PLD5: variants seen among roughly 807,000 people sequenced by gnomAD.
PLD5 encodes phospholipase D family member 5.
PLD5 carries 36 observed loss-of-function variants against 61.1 expected under a neutral mutation model. That is an observed-to-expected ratio of 0.59 (90% CI 0.45 to 0.78). The LOEUF (loss-of-function observed/expected upper bound fraction) is 0.78, where lower values mean the gene tolerates loss of function less well. Ranked by LOEUF, PLD5 falls within the 30% of genes least tolerant of loss-of-function variation. The pLI is 0.00. For synonymous variants in PLD5, 243 were observed against 242.8 expected, an observed-to-expected ratio of 1.00 and a Z score of -0.01; for missense variants, 515 against 644.4, an observed-to-expected ratio of 0.80 and a Z score of 2.17.
At chr1:242,275,507 T>C (rs916610362) in intron 3 of PLD5, among the ~76,000 whole-genome samples, 1 of 152,176 alleles carries the variant, frequency 6.6e-6, no homozygotes, top group African/African-American at 2.4e-5. Context: ...TGACCTTGGA[T>C]AAAGAGAAGT....
chr1:242,113,880 A>G lies in PLD5; in HGVS notation c.1070+10T>C. The G allele has an allele frequency of 6.2e-7, 1 of 1,611,796 alleles. No individual in the cohort carries two copies. The highest frequency in any genetic ancestry group is 1.7e-5 in the Admixed American group (1 of 59,514). ...ACTGGGTTCTAACCAGAGGCTGGGC[A>G]TTCACTGACCTTTTGGTGCTTGTGC... On this transcript the variant is annotated intron_variant, in intron 7 of 9. Transcript: ENST00000536534.
chr1:242,435,004 GC>G (rs1477349520), intron 1 of PLD5, among the ~76,000 whole-genome samples: 1 of 151,846 alleles, frequency 6.6e-6, no homozygotes, highest in Non-Finnish European at 1.5e-5. Flanking sequence ...GTATGCATTA[GC>G]TATTTTTCCT....
intron 3 of PLD5, among the ~76,000 whole-genome samples, chr1:242,270,418 C>A (rs944908571): frequency 6.6e-6 from 1 of 152,186 alleles, no homozygotes; most frequent in South Asian, 2.1e-4. Context: ...ATGCTGATGA[C>A]CACATGGCTT....
rs531304696 is a variant in PLD5, at chr1:242,442,698, G to A, written c.189+81390C>T. 4.6e-5 allele frequency among the ~76,000 whole-genome samples: 7 copies of A among 152,242 alleles called. No individual in the cohort carries two copies. The East Asian group carries it at 7.7e-4, about 17-fold the overall frequency. ...TTAAAGTTTTTTAACTTAAAAACCCGATTAAGTAAATCGACACTCCATACA... is the reference window on the plus strand; with the variant it reads ...TTAAAGTTTTTTAACTTAAAAACCCAATTAAGTAAATCGACACTCCATACA... On this transcript the variant is annotated intron_variant, in intron 1 of 9. Transcript: ENST00000536534.
chr1:242,461,004 G>A (rs1488304115), intron 1 of PLD5, among the ~76,000 whole-genome samples: 1 of 152,040 alleles, frequency 6.6e-6, no homozygotes, highest in Non-Finnish European at 1.5e-5. Context: ...AGCCAGATGT[G>A]GTGGCATGCA....
At chr1:242,330,040 G>A (rs1659076547) in intron 2 of PLD5, among the ~76,000 whole-genome samples, 1 of 152,104 alleles carries the variant, frequency 6.6e-6, no homozygotes, top group African/African-American at 2.4e-5. Context: ...TTAAAATGTG[G>A]ATTTCTGAGG....
intron 1 of PLD5, among the ~76,000 whole-genome samples, chr1:242,393,089 A>G (rs1663029324): frequency 1.3e-5 from 2 of 151,256 alleles, no homozygotes; most frequent in African/African-American, 4.9e-5. Context: ...CTGTAATCCC[A>G]GCTACTCAGG....
chr1:242,169,917 A>C (rs1666618602), intron 5 of PLD5, among the ~76,000 whole-genome samples: 1 of 152,156 alleles, frequency 6.6e-6, no homozygotes, highest in Non-Finnish European at 1.5e-5. Flanking sequence ...CTCTGAAAAA[A>C]AGGCAGCAGC....
At chr1:242,112,307 G>A (rs965966931) in intron 7 of PLD5, among the ~76,000 whole-genome samples, 22 of 68,020 alleles carry the variant, frequency 3.2e-4, no homozygotes, top group African/African-American at 4.9e-4. Flanking sequence ...GTGTGTGTGT[G>A]TGTGTGTGTG....
intron 7 of PLD5, among the ~76,000 whole-genome samples, chr1:242,111,200 G>T (rs773916298): frequency 6.6e-6 from 1 of 152,054 alleles, no homozygotes; most frequent in Admixed American, 6.6e-5. Context: ...GGGATTATAG[G>T]TGTCTGCCAC....
intron 5 of PLD5, among the ~76,000 whole-genome samples, chr1:242,124,869 T>TA (rs1210745341): frequency 1.3e-5 from 2 of 152,256 alleles, no homozygotes; most frequent in African/African-American, 2.4e-5. Context: ...TGGTTTTTTG[T>TA]ATTAGGTCTC....
chr1:242,492,359 A>G (rs1036484869), intron 1 of PLD5, among the ~76,000 whole-genome samples: 3 of 151,860 alleles, frequency 2.0e-5, no homozygotes, highest in Admixed American at 1.3e-4. Context: ...TAAAAAAAAA[A>G]CAAATACTAA....
intron 4 of PLD5, among the ~76,000 whole-genome samples, chr1:242,222,192 C>T (rs556163762): frequency 1.4e-5 from 2 of 146,522 alleles, no homozygotes; most frequent in African/African-American, 5.0e-5. Context: ...CCGCCCCCCA[C>T]TACAGTATGA....
chr1:242,412,927 C>T (rs942037295), intron 1 of PLD5, among the ~76,000 whole-genome samples: 1 of 152,156 alleles, frequency 6.6e-6, no homozygotes, highest in Non-Finnish European at 1.5e-5. Flanking sequence ...CTTACGTTCC[C>T]TCCACCAATG....
rs942278634 is a variant in PLD5, at chr1:242,088,766, G to T, written c.*1088C>A. 6.6e-6 allele frequency: 1 copy of T among 152,182 alleles called. No homozygotes were observed. Among genetic ancestry groups the T allele is most frequent in the Non-Finnish European group, 1.5e-5 (1 of 68,042 alleles). 9.4% of individuals were successfully genotyped at this position (152,182 alleles called of 1,614,324 possible). A position where few individuals can be genotyped will look rare whatever the true frequency, so the allele number is the denominator to read the frequency against. ...TATAGAACAATAATTCAATATTTCT[G>T]CTTCTTAGTAAAATATGTTAAGCAC... is the stretch of plus-strand genomic sequence containing the variant. On this transcript the variant is annotated 3_prime_UTR_variant, in exon 10 of 10. Coordinates refer to ENST00000536534, the MANE Select transcript of PLD5 (RefSeq NM_001372062.1).
intron 1 of PLD5, among the ~76,000 whole-genome samples, chr1:242,353,299 A>G (rs1660577618): frequency 6.6e-6 from 1 of 152,058 alleles, no homozygotes; most frequent in South Asian, 2.1e-4. Flanking sequence ...GTATATTCTT[A>G]GCACCTTTGT....
chr1:242,257,995 C>T (rs373854057), intron 4 of PLD5, among the ~76,000 whole-genome samples: 298 of 152,260 alleles, frequency 2.0e-3, no homozygotes, highest in African/African-American at 6.9e-3. Context: ...ACTTGGGTTG[C>T]GATTCATCAC....
intron 5 of PLD5, among the ~76,000 whole-genome samples, chr1:242,212,197 G>A (rs982565996): frequency 2.6e-5 from 4 of 152,118 alleles, no homozygotes; most frequent in Admixed American, 6.5e-5. Flanking sequence ...AAGGGGAAAC[G>A]GAGGTTTTGC....
At chr1:242,300,395 G>A (rs998253704) in intron 2 of PLD5, among the ~76,000 whole-genome samples, 2 of 152,118 alleles carry the variant, frequency 1.3e-5, no homozygotes, top group African/African-American at 4.8e-5. Flanking sequence ...AGTGAGCCGA[G>A]ATCATACCAT....
Sources: allele counts gnomAD v4.1 joint callset (sites outside exome capture counted in the v4.1 genomes callset), GRCh38; gene constraint gnomAD v4.1.1; transcripts MANE v1.5; gene names NCBI Gene and HGNC (gene_info 2026-07-23, HGNC 2026-07-21).